The following FRMPD3 variants were observed in gnomAD, a reference collection of about 807,000 sequenced individuals.
FRMPD3 encodes the protein FERM and PDZ domain-containing protein 3.
A neutral mutation model predicts 97.9 loss-of-function variants in FRMPD3; 42 were observed. The ratio of observed to expected loss-of-function variants is 0.43; its 90% CI spans 0.34 to 0.55. The LOEUF (loss-of-function observed/expected upper bound fraction) is 0.55. FRMPD3 is among the 20% of genes least tolerant of loss of function. The pLI is 0.03. For synonymous variants in FRMPD3, 577 were observed against 581.1 expected, an observed-to-expected ratio of 0.99 and a Z score of 0.10; for missense variants, 1,303 against 1,457.7, an observed-to-expected ratio of 0.89 and a Z score of 1.73.
chrX:107,520,021 GA>G (rs949925137), intron 1 of FRMPD3, among the ~76,000 whole-genome samples: 2 of 110,989 alleles, frequency 1.8e-5, no homozygotes, highest in African/African-American at 6.6e-5. Flanking sequence ...AAAGGGAGGA[GA>G]AAAATGGGAT....
chrX:107,480,091 C>T (rs191080000), intron 1 of FRMPD3, among the ~76,000 whole-genome samples: 161 of 109,401 alleles, frequency 1.5e-3, no homozygotes, highest in African/African-American at 5.0e-3. Flanking sequence ...ACTTTAGCTG[C>T]TGTGTATATT....
intron 1 of FRMPD3, among the ~76,000 whole-genome samples, chrX:107,509,416 G>A (rs1486946596): frequency 9.0e-6 from 1 of 111,460 alleles, no homozygotes; most frequent in East Asian, 2.8e-4. Context: ...CAAGTCCAGT[G>A]CTGGGCTGTG....
intron 4 of FRMPD3, among the ~76,000 whole-genome samples, chrX:107,543,771 G>T (rs1468900972): frequency 9.5e-6 from 1 of 104,717 alleles, no homozygotes. Context: ...AGCCGAGATC[G>T]CACCACTGCA....
intron 1 of FRMPD3, chrX:107,513,095 G>A (rs1346804174): frequency 1.8e-5 from 2 of 112,082 alleles, no homozygotes; most frequent in Admixed American, 1.9e-4. Flanking sequence ...AGCATTATGG[G>A]GTTGGTCTTT....
intron 1 of FRMPD3, among the ~76,000 whole-genome samples, chrX:107,450,603 G>C (rs186725608): frequency 0.096 from 7,537 of 78,729 alleles, 1,123 homozygotes; most frequent in African/African-American, 0.4. Context: ...CACACACACA[G>C]AGAGAGAGAG....
chrX:107,455,256 C>T (rs1294181793), intron 1 of FRMPD3, among the ~76,000 whole-genome samples: 1 of 112,082 alleles, frequency 8.9e-6, no homozygotes, highest in Non-Finnish European at 1.9e-5. Context: ...ACTCCTCCGT[C>T]TCTAAAATAC....
chrX:107,596,401 G>A (rs867804464), intron 13 of FRMPD3, among the ~76,000 whole-genome samples: 2 of 112,170 alleles, frequency 1.8e-5, no homozygotes, highest in Middle Eastern at 9.1e-3. Flanking sequence ...CTTAGCCTAA[G>A]TTAGTGCTTG....
At chrX:107,586,484 C>T (rs1923653875) in intron 13 of FRMPD3, among the ~76,000 whole-genome samples, 1 of 109,402 alleles carries the variant, frequency 9.1e-6, no homozygotes, top group African/African-American at 3.3e-5. Flanking sequence ...TTGTCTTCTG[C>T]TAGCCTTTGG....
chrX:107,472,910 A>G (rs1467654982), intron 1 of FRMPD3, among the ~76,000 whole-genome samples: 1 of 112,210 alleles, frequency 8.9e-6, no homozygotes, highest in Non-Finnish European at 1.9e-5. Flanking sequence ...GGAATCAGTG[A>G]GCTCATGTAG....
intron 1 of FRMPD3, among the ~76,000 whole-genome samples, chrX:107,482,594 C>T (rs369556009): frequency 7.3e-4 from 81 of 111,555 alleles, no homozygotes; most frequent in African/African-American, 2.4e-3. Flanking sequence ...GGAATAGGGG[C>T]TCTTCAGAGT....
At chrX:107,492,689 A>G (rs1921688281) in intron 1 of FRMPD3, among the ~76,000 whole-genome samples, 1 of 112,224 alleles carries the variant, frequency 8.9e-6, no homozygotes, top group African/African-American at 3.2e-5. Flanking sequence ...CAAAATTGGC[A>G]TGGTAACAAC....
intron 1 of FRMPD3, among the ~76,000 whole-genome samples, chrX:107,454,766 T>C (rs923944104): frequency 8.9e-6 from 1 of 112,181 alleles, no homozygotes; most frequent in African/African-American, 3.2e-5. Flanking sequence ...TGTGTGGACC[T>C]AACCCTGTAT....
chrX:107,525,470 A>G, intron 1 of FRMPD3: 1 of 492,145 alleles, frequency 2.0e-6, no homozygotes, highest in South Asian at 2.8e-5. Context: ...GAGAACATTT[A>G]TGAAGCTTTT....
At chrX:107,589,439 C>T (rs941740002) in intron 13 of FRMPD3, among the ~76,000 whole-genome samples, 4 of 111,120 alleles carry the variant, frequency 3.6e-5, no homozygotes, top group Admixed American at 9.6e-5. Flanking sequence ...CTCAAGGAGG[C>T]GCCTCCCTTG....
chrX:107,542,363 A>G (rs1302718918), intron 4 of FRMPD3, among the ~76,000 whole-genome samples: 1 of 111,933 alleles, frequency 8.9e-6, no homozygotes, highest in Non-Finnish European at 1.9e-5. Context: ...TGAGAAGTCT[A>G]AGGTTCCTTT....
chrX:107,452,733 C>G (rs1338193621), intron 1 of FRMPD3, among the ~76,000 whole-genome samples: 1 of 111,788 alleles, frequency 8.9e-6, no homozygotes, highest in South Asian at 3.8e-4. Context: ...AGTCAGGGGA[C>G]CCCTCCCTCT....
Position 107,600,621 on chromosome X carries a change from C to G in FRMPD3, c.2582C>G (p.Pro861Arg). 1 of 1,209,173 alleles carries G rather than the reference C, an allele frequency of 8.3e-7. No homozygotes were observed. Among genetic ancestry groups the G allele is most frequent in the Non-Finnish European group, 1.1e-6 (1 of 894,539 alleles). ...PGPPGARRKL[P>R]QSEGQVQGER... ...CCCCCTGGCGCTCGGAGGAAGCTGCCCCAGTCAGAGGGCCAGGTACAGGGA... is the reference window on the plus strand; with the variant it reads ...CCCCCTGGCGCTCGGAGGAAGCTGCGCCAGTCAGAGGGCCAGGTACAGGGA... The change falls in exon 15 of 15, where the codon CCC (proline) becomes CGC (arginine). Residue 861 changes from proline (P) to arginine (R), a missense_variant. Physicochemically the swap from Pro to Arg is moderately radical, Grantham distance 103. Around this residue, in one of 3 missense-constraint regions of FRMPD3, gnomAD observed 764 missense variants for 820.2 expected, o/e 0.93. Transcript: ENST00000683843.
intron 10 of FRMPD3, 101 bp downstream of exon 10, chrX:107,560,954 A>C: frequency 1.1e-6 from 1 of 917,201 alleles, no homozygotes; most frequent in Non-Finnish European, 1.5e-6. Context: ...AGGGATCCTC[A>C]CCACTGCTTT....
Position 107,554,498 on chromosome X carries a change from C to T in FRMPD3, c.756C>T (p.Tyr252=), listed in dbSNP as rs778886382. The part of the protein sequence containing the change: ...RRDPAAFEYL[Y]IQSRNDVIRE... ...ATCCTGCTGCTTTTGAGTACCTATA[C>T]ATCCAGGTAGAGTCTGGCTTGGGGA... The change falls in exon 8 of 15, where the codon TAC becomes TAT. Residue 252 remains tyrosine, a synonymous_variant. Coordinates refer to ENST00000683843, the MANE Select transcript of FRMPD3 (RefSeq NM_001388459.1). 139 of 1,205,845 alleles carry T rather than the reference C, an allele frequency of 1.2e-4. No homozygotes were observed. Among genetic ancestry groups the T allele is most frequent in the Middle Eastern group, 2.3e-4 (1 of 4,347 alleles).
Sources: gnomAD v4.1 joint callset for allele counts (sites outside exome capture counted in the v4.1 genomes callset) on GRCh38, gnomAD v4.1.1 for gene constraint, gnomAD v4.1.1 regional missense constraint, MANE v1.5 for transcripts, NCBI Gene and HGNC (gene_info 2026-07-23, HGNC 2026-07-21) for gene names.